ST3GAL3: variants seen among roughly 807,000 people sequenced by gnomAD.
The protein encoded by ST3GAL3 is ST3 beta-galactoside alpha-2,3-sialyltransferase 3.
In ST3GAL3, 21 loss-of-function variants were observed where a neutral mutation model predicts 50.1. The ratio of observed to expected loss-of-function variants is 0.42; its 90% CI spans 0.30 to 0.60. The LOEUF is 0.60. Ranked by LOEUF, ST3GAL3 falls within the 20% of genes least tolerant of loss-of-function variation. The pLI, the probability that ST3GAL3 is intolerant of heterozygous loss-of-function variation, is 0.19. For missense variants in ST3GAL3, 353 were observed against 489.4 expected, an observed-to-expected ratio of 0.72 and a Z score of 2.63; for synonymous variants, 183 against 190.0, an observed-to-expected ratio of 0.96 and a Z score of 0.30.
intron 1 of ST3GAL3, chr1:43,719,224 A>G (rs563774025): frequency 6.6e-6 from 1 of 152,360 alleles, no homozygotes; most frequent in African/African-American, 2.4e-5. Context: ...GCGTAATGCT[A>G]GATTGGCTAA....
intron 9 of ST3GAL3, among the ~76,000 whole-genome samples, chr1:43,909,103 C>T (rs1023611758): frequency 2.0e-5 from 3 of 152,150 alleles, no homozygotes; most frequent in African/African-American, 4.8e-5. Context: ...TCTGTAAGCC[C>T]ATCACCTCCA....
intron 1 of ST3GAL3, among the ~76,000 whole-genome samples, chr1:43,708,952 T>C (rs1336462702): frequency 6.6e-6 from 1 of 152,134 alleles, no homozygotes; most frequent in African/African-American, 2.4e-5. Flanking sequence ...TATAATATAC[T>C]TGAGGGAATA....
chr1:43,775,695 A>G (rs553148571), intron 2 of ST3GAL3, among the ~76,000 whole-genome samples: 37 of 152,322 alleles, frequency 2.4e-4, no homozygotes, highest in African/African-American at 7.2e-4. Context: ...ATTCTAATTC[A>G]AAGATTAAGG....
At chr1:43,888,809 TC>T (rs2076317065) in intron 5 of ST3GAL3, among the ~76,000 whole-genome samples, 1 of 152,206 alleles carries the variant, frequency 6.6e-6, no homozygotes. Flanking sequence ...AGTGGCACTT[TC>T]ATACATCACT....
At chr1:43,845,554 T>C (rs1018222779) in intron 5 of ST3GAL3, among the ~76,000 whole-genome samples, 2 of 152,128 alleles carry the variant, frequency 1.3e-5, no homozygotes, top group Non-Finnish European at 2.9e-5. Context: ...ATTTGAGGTT[T>C]ATCATTTTTT....
chr1:43,768,483 T>C (rs930955126), intron 2 of ST3GAL3, among the ~76,000 whole-genome samples: 9 of 152,104 alleles, frequency 5.9e-5, no homozygotes, highest in African/African-American at 1.9e-4. Context: ...ATTGACAGAC[T>C]TCTGGCAAGA....
chr1:43,899,836 A>T lies in ST3GAL3; in HGVS notation c.744+109A>T. On this transcript the variant is annotated intron_variant, in intron 9 of 11. Coordinates refer to ENST00000347631, the MANE Select transcript of ST3GAL3 (RefSeq NM_006279.5). The surrounding 1 kb of genome is among the most constrained non-coding windows in gnomAD (Gnocchi z 5.4). ...AAGAACGAGTAAGAACCTTCAAAGG[A>T]AACATTAATGACCCAAAGCCGAAAT... 8.5e-7 allele frequency: 1 copy of T among 1,169,740 alleles called. No homozygotes were observed. 72.5% of individuals were successfully genotyped at this position (1,169,740 alleles called of 1,614,324 possible).
intron 3 of ST3GAL3, among the ~76,000 whole-genome samples, chr1:43,808,439 G>A (rs192392839): frequency 4.5e-4 from 69 of 151,938 alleles, no homozygotes; most frequent in African/African-American, 1.6e-3. Flanking sequence ...CTGAATGAAG[G>A]AAAAGTGAAG....
At chr1:43,907,051 A>T (rs2079901291) in intron 9 of ST3GAL3, among the ~76,000 whole-genome samples, 1 of 152,204 alleles carries the variant, frequency 6.6e-6, no homozygotes, top group Non-Finnish European at 1.5e-5. Flanking sequence ...GATGGTAAGA[A>T]CTACTGTTAA....
intron 2 of ST3GAL3, among the ~76,000 whole-genome samples, chr1:43,759,907 G>A (rs990311589): frequency 6.6e-6 from 1 of 152,132 alleles, no homozygotes; most frequent in Non-Finnish European, 1.5e-5. Context: ...GAGACAGAAG[G>A]ATCACTTGAG....
intron 5 of ST3GAL3, among the ~76,000 whole-genome samples, chr1:43,847,090 A>G (rs2066380583): frequency 6.6e-6 from 1 of 152,364 alleles, no homozygotes; most frequent in South Asian, 2.1e-4. Flanking sequence ...TCAAAACCAC[A>G]GTAAGATACC....
intron 5 of ST3GAL3, among the ~76,000 whole-genome samples, chr1:43,855,550 T>C (rs913858904): frequency 2.0e-5 from 3 of 149,074 alleles, no homozygotes; most frequent in African/African-American, 7.4e-5. Context: ...GCGGAGGTTA[T>C]AGTGAGCCGA....
intron 3 of ST3GAL3, among the ~76,000 whole-genome samples, chr1:43,805,805 G>A (rs1371226701): frequency 1.3e-5 from 2 of 151,992 alleles, no homozygotes; most frequent in Non-Finnish European, 2.9e-5. Flanking sequence ...GTGCGATCTC[G>A]GCTCACGGTA....
intron 1 of ST3GAL3, among the ~76,000 whole-genome samples, chr1:43,730,566 T>A (rs1419193873): frequency 6.9e-6 from 1 of 145,190 alleles, no homozygotes; most frequent in Non-Finnish European, 1.5e-5. Context: ...TCTTTTCTTT[T>A]CTTTCTTTTT....
intron 3 of ST3GAL3, among the ~76,000 whole-genome samples, chr1:43,804,743 T>C (rs1326894465): frequency 3.9e-5 from 6 of 152,136 alleles, no homozygotes; most frequent in Non-Finnish European, 8.8e-5. Context: ...GTGACAGTGA[T>C]GTAATCAGAT....
intron 9 of ST3GAL3, among the ~76,000 whole-genome samples, chr1:43,911,461 G>A (rs1304168024): frequency 6.6e-6 from 1 of 150,388 alleles, no homozygotes; most frequent in East Asian, 1.9e-4. Context: ...ATTCAAACCT[G>A]TCCTTCTAGG....
intron 2 of ST3GAL3, chr1:43,743,459 C>T: frequency 2.7e-6 from 1 of 375,654 alleles, no homozygotes; most frequent in Non-Finnish European, 5.3e-6. Flanking sequence ...AGAGAGGTGT[C>T]AACACTTAAG....
At chr1:43,736,654 A>T in intron 2 of ST3GAL3, 1 of 537,040 alleles carries the variant, frequency 1.9e-6, no homozygotes, top group East Asian at 3.5e-5. Flanking sequence ...AACTATACTC[A>T]TACTTCTAGT....
chr1:43,879,265 G>T, intron 5 of ST3GAL3: 1 of 456,200 alleles, frequency 2.2e-6, no homozygotes. Context: ...GGAAGGAGGA[G>T]GATCTGGGGT....
Sources: allele counts gnomAD v4.1 joint callset (sites outside exome capture counted in the v4.1 genomes callset), GRCh38; gene constraint gnomAD v4.1.1; non-coding constraint Gnocchi (gnomAD v3.1); transcripts MANE v1.5; gene names NCBI Gene and HGNC (gene_info 2026-07-23, HGNC 2026-07-21).